Variants in SORCS1 observed in about 807,000 individuals in gnomAD.
SORCS1 encodes the protein VPS10 domain-containing receptor SorCS1.
Under a neutral mutation model 146.1 loss-of-function variants are expected in SORCS1, and 60 were observed. The ratio of observed to expected loss-of-function variants is 0.41; its 90% CI spans 0.33 to 0.51. The LOEUF (loss-of-function observed/expected upper bound fraction) is 0.51. Ranked by LOEUF, SORCS1 falls within the 20% of genes least tolerant of loss-of-function variation. The pLI, the probability that SORCS1 is intolerant of heterozygous loss-of-function variation, is 0.21. For synonymous variants in SORCS1, 637 were observed against 584.0 expected, an observed-to-expected ratio of 1.09 and a Z score of -1.31; for missense variants, 1,352 against 1,487.6, an observed-to-expected ratio of 0.91 and a Z score of 1.50.
chr10:106,900,486 G>A (rs1309183669), intron 2 of SORCS1, among the ~76,000 whole-genome samples: 3 of 152,092 alleles, frequency 2.0e-5, no homozygotes, highest in Non-Finnish European at 4.4e-5. Context: ...AACACTCACT[G>A]TAGCAGCCCT....
intron 23 of SORCS1, among the ~76,000 whole-genome samples, chr10:106,606,777 T>C (rs1846624116): frequency 6.6e-6 from 1 of 152,196 alleles, no homozygotes; most frequent in Non-Finnish European, 1.5e-5. Flanking sequence ...GTTACCTCCA[T>C]GTTGTTCCCA....
At chr10:107,125,180 T>C (rs999900823) in intron 1 of SORCS1, among the ~76,000 whole-genome samples, 2 of 152,118 alleles carry the variant, frequency 1.3e-5, no homozygotes, top group South Asian at 2.1e-4. Context: ...CTCGATCTCC[T>C]GATCTCATAA....
At chr10:106,719,418 C>CTT (rs11299932) in intron 6 of SORCS1, among the ~76,000 whole-genome samples, 1 of 135,968 alleles carries the variant, frequency 7.4e-6, no homozygotes, top group African/African-American at 2.9e-5. Context: ...TTCTTTCTTT[C>CTT]TTTTTTTTTT....
chr10:106,964,282 A>G (rs903897719), intron 1 of SORCS1, among the ~76,000 whole-genome samples: 122 of 152,238 alleles, frequency 8.0e-4, no homozygotes, highest in African/African-American at 2.9e-3. Context: ...TGGAACCAGA[A>G]GACGACCAGA....
At chr10:106,909,115 T>G in intron 2 of SORCS1, among the ~76,000 whole-genome samples, 1 of 152,154 alleles carries the variant, frequency 6.6e-6, no homozygotes, top group South Asian at 2.1e-4. Context: ...TCTCCTTCAC[T>G]GGGTGTGGTA....
chr10:106,804,049 G>A (rs188778676), intron 3 of SORCS1, among the ~76,000 whole-genome samples: 50 of 152,280 alleles, frequency 3.3e-4, no homozygotes, highest in African/African-American at 1.1e-3. Flanking sequence ...CCAAACCTGA[G>A]TGTTTCATTA....
At chr10:106,898,353 T>C (rs1201246542) in intron 2 of SORCS1, among the ~76,000 whole-genome samples, 2 of 152,190 alleles carry the variant, frequency 1.3e-5, no homozygotes, top group East Asian at 3.9e-4. Context: ...TAATTAGATG[T>C]CTGACAGCCA....
chr10:106,773,583 C>T (rs1860191640), intron 4 of SORCS1, among the ~76,000 whole-genome samples: 1 of 152,168 alleles, frequency 6.6e-6, no homozygotes. Context: ...TTCATCCTCT[C>T]TTAAAGAAAC....
chr10:106,879,683 T>C (rs561837895), intron 2 of SORCS1, among the ~76,000 whole-genome samples: 1 of 152,328 alleles, frequency 6.6e-6, no homozygotes, highest in South Asian at 2.1e-4. Context: ...CCCCTGCCAT[T>C]GCTGAAGATG....
chr10:106,721,126 A>G (rs1243948313), intron 6 of SORCS1, among the ~76,000 whole-genome samples: 4 of 152,002 alleles, frequency 2.6e-5, no homozygotes, highest in African/African-American at 4.8e-5. Context: ...CTAAACCTTG[A>G]TGCTTTATTT....
At chr10:106,968,010 C>T (rs1193077918) in intron 1 of SORCS1, among the ~76,000 whole-genome samples, 2 of 151,148 alleles carry the variant, frequency 1.3e-5, no homozygotes, top group African/African-American at 4.9e-5. Context: ...CGAGACCATC[C>T]TGGCTAACAC....
chr10:106,578,930 C>T, intron 25 of SORCS1: 1 of 1,422,650 alleles, frequency 7.0e-7, no homozygotes, highest in Non-Finnish European at 9.2e-7. Flanking sequence ...TGTTTTTCCC[C>T]CATCCCAATC....
intron 1 of SORCS1, among the ~76,000 whole-genome samples, chr10:107,086,325 T>C (rs1963756630): frequency 1.3e-5 from 2 of 152,214 alleles, no homozygotes; most frequent in Non-Finnish European, 2.9e-5. Context: ...AGGTGGATTA[T>C]TTTGGGAGGT....
intron 5 of SORCS1, among the ~76,000 whole-genome samples, chr10:106,754,968 GCC>G (rs2136209521): frequency 6.6e-6 from 1 of 152,284 alleles, no homozygotes; most frequent in South Asian, 2.1e-4. Flanking sequence ...AAGTGAAACA[GCC>G]CCAAGATTGC....
chr10:107,031,294 A>G (rs111477325), intron 1 of SORCS1, among the ~76,000 whole-genome samples: 34 of 151,994 alleles, frequency 2.2e-4, no homozygotes, highest in African/African-American at 8.0e-4. Flanking sequence ...GTAACTTTCT[A>G]GTGATCCTTT....
chr10:106,800,255 AC>A (rs1946797665), intron 3 of SORCS1, among the ~76,000 whole-genome samples: 1 of 152,302 alleles, frequency 6.6e-6, no homozygotes, highest in Non-Finnish European at 1.5e-5. Context: ...AGTAGGACTC[AC>A]CCACCAAGGA....
At chr10:106,660,000 G>A (rs1188854105) in intron 17 of SORCS1, among the ~76,000 whole-genome samples, 3 of 152,206 alleles carry the variant, frequency 2.0e-5, no homozygotes, top group African/African-American at 7.2e-5. Flanking sequence ...GCAGTGATGA[G>A]TCTGTAAATA....
At chr10:106,657,379 G>A (rs1379288240) in intron 17 of SORCS1, among the ~76,000 whole-genome samples, 2 of 152,076 alleles carry the variant, frequency 1.3e-5, no homozygotes, top group African/African-American at 4.8e-5. Flanking sequence ...ACCACATGTT[G>A]TTACCTATAA....
intron 16 of SORCS1, among the ~76,000 whole-genome samples, chr10:106,668,793 A>G (rs1328466379): frequency 6.6e-6 from 1 of 152,164 alleles, no homozygotes; most frequent in Non-Finnish European, 1.5e-5. Flanking sequence ...TAGGACAACC[A>G]GTGTTTGCTT....
Sources: gnomAD v4.1 joint callset for allele counts (sites outside exome capture counted in the v4.1 genomes callset) on GRCh38, gnomAD v4.1.1 for gene constraint, MANE v1.5 for transcripts, NCBI Gene and HGNC (gene_info 2026-07-23, HGNC 2026-07-21) for gene names.